UBXN11: variants seen among roughly 807,000 people sequenced by gnomAD.
UBXN11 encodes UBX domain-containing protein 11.
A neutral mutation model predicts 62.8 loss-of-function variants in UBXN11; 47 were observed. The ratio of observed to expected loss-of-function variants is 0.75; its 90% CI spans 0.59 to 0.95. The LOEUF (loss-of-function observed/expected upper bound fraction) is 0.95, where lower values mean the gene tolerates loss of function less well. Ranked by LOEUF, UBXN11 falls within the 40% of genes least tolerant of loss-of-function variation. UBXN11 has a pLI of 0.00. For synonymous variants in UBXN11, 294 were observed against 267.0 expected, an observed-to-expected ratio of 1.10 and a Z score of -0.99; for missense variants, 638 against 661.7, an observed-to-expected ratio of 0.96 and a Z score of 0.39.
chr1:26,310,345 C>G (rs1570145063), upstream of UBXN11, among the ~76,000 whole-genome samples: 2 of 152,074 alleles, frequency 1.3e-5, no homozygotes, highest in Non-Finnish European at 2.9e-5. Flanking sequence ...TGAGACCAGC[C>G]TGGCCAACAT....
chr1:26,298,477 A>G (rs755498093), intron 4 of UBXN11, among the ~76,000 whole-genome samples: 11 of 152,136 alleles, frequency 7.2e-5, no homozygotes, highest in Non-Finnish European at 4.4e-5. Flanking sequence ...ACAAAGCCAG[A>G]ATGCGGGGTG....
intron 2 of UBXN11, 127 bp from the exon 3 acceptor site, chr1:26,301,849 T>C (rs1386588321): frequency 3.6e-5 from 47 of 1,294,982 alleles, no homozygotes; most frequent in Middle Eastern, 1.9e-4. Flanking sequence ...CTCTAACTCC[T>C]GAGGACTTCC....
rs2073539875 is a variant in UBXN11, at chr1:26,301,737, A to G, written c.72-15T>C. On this transcript the variant is annotated splice_polypyrimidine_tract_variant and intron_variant, in intron 2 of 14. Coordinates refer to ENST00000374222, the MANE Select transcript of UBXN11 (RefSeq NM_001389556.1). ...TTCCTCGCCTCCTGGGAACCCAGGC[A>G]GGAAGAAGGAAGAAATATAAGTTAG... is the stretch of plus-strand genomic sequence containing the variant. 11 of 1,613,902 alleles carry G rather than the reference A, an allele frequency of 6.8e-6. No homozygotes were observed. The highest frequency in any genetic ancestry group is 2.2e-5 in the South Asian group (2 of 91,006).
At chr1:26,289,511 C>T (rs1570095696) in intron 8 of UBXN11, among the ~76,000 whole-genome samples, 1 of 152,160 alleles carries the variant, frequency 6.6e-6, no homozygotes, top group South Asian at 2.1e-4. Context: ...GAGCATTGAG[C>T]CCTGGGCCTG....
rs779221202 is a variant in UBXN11, at chr1:26,300,921, C to T, written c.199+5G>A. On this transcript the variant is annotated splice_donor_5th_base_variant and intron_variant, in intron 4 of 14. Coordinates refer to ENST00000374222, the MANE Select transcript of UBXN11 (RefSeq NM_001389556.1). ...GACCCAGACCCTTCAGGCCTCTGCT[C>T]TCACCTTGCCGACTCACAGGGGCAC... The T allele has an allele frequency of 1.1e-5, 17 of 1,614,248 alleles. No homozygotes were observed. The Middle Eastern group carries it at 8.2e-4, about 78-fold the overall frequency.
At chr1:26,299,795 G>A in intron 4 of UBXN11, among the ~76,000 whole-genome samples, 1 of 152,086 alleles carries the variant, frequency 6.6e-6, no homozygotes. Context: ...AGGACACCTG[G>A]AGCTCTTTCA....
rs1398601749 is a variant in UBXN11, at chr1:26,286,038, CT to C, written c.560-2del. The C allele has an allele frequency of 6.3e-7, 1 of 1,598,822 alleles. No homozygotes were observed. Among genetic ancestry groups the C allele is most frequent in the African/African-American group, 1.3e-5 (1 of 74,678 alleles). On this transcript the variant is annotated splice_acceptor_variant, in intron 8 of 14. Transcript: ENST00000374222. LOFTEE classifies it high-confidence loss of function. ...ACCTCAGGGGGCGCCAATGAGTCCC[CT>C]GGCAAAGAGGACAGACACCTGTGAG...
At chr1:26,282,620 C>T (rs2073025561) in intron 14 of UBXN11, 29 bp downstream of exon 14, 1 of 1,613,268 alleles carries the variant, frequency 6.2e-7, no homozygotes, top group African/African-American at 1.3e-5. Flanking sequence ...CAGAGCCCCT[C>T]TGTGGCCCTG....
chr1:26,315,959 C>CT (rs1415230325), intron 1 of UBXN11, among the ~76,000 whole-genome samples: 1,071 of 43,832 alleles, frequency 0.024, 18 homozygotes, highest in African/African-American at 0.054. Context: ...TGTTTCCTGG[C>CT]CTTTTTTTTT....
rs1388687920 is a variant in UBXN11 at position 26,284,491 on chromosome 1, AAAG to A, written c.853-12_853-10del. On this transcript the variant is annotated splice_polypyrimidine_tract_variant and intron_variant, in intron 10 of 14. Coordinates refer to ENST00000374222, the MANE Select transcript of UBXN11 (RefSeq NM_001389556.1). ...TTGCGCAAGTCACTCACCTGGCAAG[AAAG>A]AAGGGCAACGACGGCAGCGGACCCA... 7 of 1,585,308 alleles carry A rather than the reference AAAG, an allele frequency of 4.4e-6. No individual in the cohort carries two copies. Among genetic ancestry groups the A allele is most frequent in the Non-Finnish European group, 6.0e-6 (7 of 1,161,224 alleles).
In UBXN11 at chr1:26,282,514, G is replaced by A; in HGVS notation, c.1348C>T (p.Gln450Ter). The change falls in exon 15 of 15, where the codon CAG becomes TAG. Residue 450 changes from glutamine to a stop codon, truncating the protein, a stop_gained. Transcript: ENST00000374222. LOFTEE classifies it low-confidence loss of function (END_TRUNC). ...IFSTFPPTLY[Q>*]DDTLTLQAAG... is the part of the protein sequence containing the mutation. ...GCCTGCAGCGTGAGTGTATCGTCCT[G>A]GTAGAGGGTGGGCGGGAATGTGCTG... 6.3e-7 allele frequency: 1 copy of A among 1,599,078 alleles called. No individual in the cohort carries two copies. The highest frequency in any genetic ancestry group is 8.5e-7 in the Non-Finnish European group (1 of 1,169,850).
chr1:26,292,204 C>T (rs147427060), intron 8 of UBXN11, among the ~76,000 whole-genome samples: 1 of 152,310 alleles, frequency 6.6e-6, no homozygotes, highest in East Asian at 1.9e-4. Context: ...AATGGAGTAA[C>T]TCCTGGCCCC....
At chr1:26,286,100 CCT>C in intron 8 of UBXN11, 63 bp from the exon 9 acceptor site, 2 of 1,457,904 alleles carry the variant, frequency 1.4e-6, no homozygotes, top group South Asian at 2.7e-5. Context: ...GCAGCCCTAG[CCT>C]CTGTGGCTCC....
chr1:26,296,787 G>T, intron 7 of UBXN11, 132 bp downstream of exon 7: 1 of 949,404 alleles, frequency 1.1e-6, no homozygotes, highest in Non-Finnish European at 1.6e-6. Flanking sequence ...GGAAATGCAG[G>T]GCAGGGTCCC....
intron 8 of UBXN11, among the ~76,000 whole-genome samples, chr1:26,287,170 G>C (rs1008874936): frequency 8.5e-5 from 13 of 152,176 alleles, no homozygotes; most frequent in Non-Finnish European, 1.6e-4. Flanking sequence ...GAGGTCAGAA[G>C]AGGGACAGAT....
At position 26,285,843 on chromosome 1, in the gene UBXN11, A is replaced by T. The variant is rs1199453072; in HGVS notation, c.754T>A (p.Phe252Ile). The change falls in exon 9 of 15, where the codon TTC becomes ATC. Residue 252 changes from phenylalanine to isoleucine, a missense_variant. By Grantham distance (21) the Phe-to-Ile change is conservative (BLOSUM62 0). Transcript: ENST00000374222. ...IMMFDGPFQP[F>I]YDPSTQRCLR... The stretch of plus-strand genomic sequence containing the variant: ...CCTACCTGTGTGGAGGGATCGTAGA[A>T]GGGCTGGAAGGGCCCGTCGAACATC... The T allele has an allele frequency of 1.2e-6, 2 of 1,607,872 alleles. No homozygotes were observed. Among genetic ancestry groups the T allele is most frequent in the Non-Finnish European group, 1.7e-6 (2 of 1,174,950 alleles).
At chr1:26,290,750 T>A (rs1441723946) in intron 8 of UBXN11, among the ~76,000 whole-genome samples, 1 of 145,214 alleles carries the variant, frequency 6.9e-6, no homozygotes, top group Non-Finnish European at 1.5e-5. Flanking sequence ...CTGACTTGGG[T>A]AGGGGAAGTG....
intron 8 of UBXN11, among the ~76,000 whole-genome samples, chr1:26,293,079 G>A (rs542667740): frequency 2.6e-5 from 4 of 152,240 alleles, no homozygotes; most frequent in Admixed American, 1.3e-4. Flanking sequence ...TCCTATTCCC[G>A]TGGGACCCCT....
chr1:26,294,936 C>T (rs761453671), intron 7 of UBXN11, among the ~76,000 whole-genome samples: 4 of 152,212 alleles, frequency 2.6e-5, no homozygotes, highest in Non-Finnish European at 1.5e-5. Flanking sequence ...AGTTTTCCTC[C>T]CATCTCCTGG....
Sources: gnomAD v4.1 joint callset for allele counts (sites outside exome capture counted in the v4.1 genomes callset) on GRCh38, gnomAD v4.1.1 for gene constraint, MANE v1.5 for transcripts, NCBI Gene and HGNC (gene_info 2026-07-23, HGNC 2026-07-21) for gene names.